Variants in CENATAC observed in about 807,000 individuals in gnomAD.
CENATAC encodes the protein centrosomal AT-AC splicing factor.
A neutral mutation model predicts 53.7 loss-of-function variants in CENATAC; 53 were observed. The ratio of observed to expected loss-of-function variants is 0.99; its 90% confidence interval spans 0.79 to 1.24. The LOEUF (loss-of-function observed/expected upper bound fraction) is 1.24, where lower values mean the gene tolerates loss of function less well. CENATAC is among the 50% of genes most tolerant of loss of function. The probability of loss-of-function intolerance (pLI) is 0.00; values close to 1 mark genes in which losing one functional copy is unlikely to be tolerated. For synonymous variants in CENATAC, 156 were observed against 144.6 expected (o/e 1.08, Z -0.57); for missense variants, 474 against 417.8 (o/e 1.13, Z -1.17).
intron 3 of CENATAC, chr11:119,003,099 C>T (rs1203155408): frequency 1.9e-6 from 1 of 529,002 alleles, no homozygotes; most frequent in Non-Finnish European, 3.7e-6. Context: ...CAGGCCGAAT[C>T]AGGGTGTTGA....
intron 3 of CENATAC, among the ~76,000 whole-genome samples, chr11:119,007,301 A>G (rs1942651687): frequency 6.6e-6 from 1 of 152,022 alleles, no homozygotes; most frequent in Admixed American, 6.6e-5. Flanking sequence ...CTCCTGCCTC[A>G]GCCTGCTAAG....
At chr11:118,999,255 A>G in intron 3 of CENATAC, 146 bp downstream of exon 3, 1 of 598,882 alleles carries the variant, frequency 1.7e-6, no homozygotes, top group Non-Finnish European at 3.0e-6. Context: ...TCTAGGTACT[A>G]TATTGGACAC....
At chr11:119,011,528 G>A (rs1215117513) in intron 5 of CENATAC, among the ~76,000 whole-genome samples, 2 of 152,024 alleles carry the variant, frequency 1.3e-5, no homozygotes, top group Admixed American at 6.6e-5. Flanking sequence ...TACAGGTGCC[G>A]CCACCACGCC....
chr11:118,998,861 G>A (rs1476796194), intron 2 of CENATAC, 150 bp from the exon 3 acceptor site: 4 of 702,676 alleles, frequency 5.7e-6, no homozygotes, highest in Non-Finnish European at 9.5e-6. Context: ...GAAGAGACAC[G>A]AGATCTTGAA....
intron 3 of CENATAC, among the ~76,000 whole-genome samples, chr11:119,002,859 C>T (rs1320802159): frequency 6.6e-6 from 1 of 151,988 alleles, no homozygotes. Flanking sequence ...GATCTCGGCT[C>T]ACTGCAACCT....
chr11:119,002,973 A>G, intron 3 of CENATAC: 1 of 459,182 alleles, frequency 2.2e-6, no homozygotes, highest in South Asian at 1.6e-5. Flanking sequence ...AATGGTGAAA[A>G]GATATACATA....
At chr11:119,001,376 G>A (rs1942286266) in intron 3 of CENATAC, among the ~76,000 whole-genome samples, 1 of 151,996 alleles carries the variant, frequency 6.6e-6, no homozygotes, top group South Asian at 2.1e-4. Context: ...GTTTCTGTGT[G>A]TAAGTTTTGA....
chr11:118,999,266 A>G (rs1448309728), intron 3 of CENATAC, 157 bp downstream of exon 3: 2 of 575,040 alleles, frequency 3.5e-6, no homozygotes, highest in Non-Finnish European at 6.2e-6. Flanking sequence ...TATTGGACAC[A>G]AAAATGTGAC....
At chr11:119,000,051 A>T (rs1942215323) in intron 3 of CENATAC, among the ~76,000 whole-genome samples, 1 of 152,244 alleles carries the variant, frequency 6.6e-6, no homozygotes, top group Non-Finnish European at 1.5e-5. Flanking sequence ...TGCTGGGGTT[A>T]TAGACGTGAG....
intron 10 of CENATAC, 32 bp from the exon 11 acceptor site, chr11:119,015,506 C>G (rs1359648082): frequency 1.2e-6 from 2 of 1,614,038 alleles, no homozygotes; most frequent in Non-Finnish European, 1.7e-6. Flanking sequence ...TGTCACCCTT[C>G]ATCATCGTGT....
At chr11:119,009,378 G>T (rs1942760895) in intron 3 of CENATAC, among the ~76,000 whole-genome samples, 1 of 152,142 alleles carries the variant, frequency 6.6e-6, no homozygotes, top group Non-Finnish European at 1.5e-5. Context: ...ACCCGTCTCG[G>T]CCTCCCAAAG....
At position 119,015,724 on chromosome 11, in the gene CENATAC, A is replaced by C; in HGVS notation, c.*126A>C. 1 of 1,295,666 alleles carries C rather than the reference A, an allele frequency of 7.7e-7. No homozygotes were observed. Among genetic ancestry groups the C allele is most frequent in the Non-Finnish European group, 1.1e-6 (1 of 912,084 alleles). The allele number at this position is 1,295,666 out of a possible 1,614,324, so 80.3% of individuals were successfully genotyped here. ...ACATACTCATTCATTTGATTTAATA[A>C]AGTTTTATTTTTCCAAATGTACAGC... On this transcript the variant is annotated 3_prime_UTR_variant, in exon 11 of 11. Coordinates refer to ENST00000334418, the MANE Select transcript of CENATAC (RefSeq NM_198489.3).
chr11:119,002,021 C>G (rs1592050694), intron 3 of CENATAC, among the ~76,000 whole-genome samples: 1 of 151,726 alleles, frequency 6.6e-6, no homozygotes, highest in Non-Finnish European at 1.5e-5. Context: ...GTCAGGAGTT[C>G]GAGACCAGCT....
chr11:119,008,192 TA>T (rs1942694703), intron 3 of CENATAC, among the ~76,000 whole-genome samples: 1 of 152,286 alleles, frequency 6.6e-6, no homozygotes, highest in East Asian at 1.9e-4. Context: ...AGAGACAAAG[TA>T]TAAAGAAACA....
Position 119,015,512 on chromosome 11 carries a change from C to T in CENATAC, c.939-26C>T, listed in dbSNP as rs782043528. 3.7e-5 allele frequency: 59 copies of T among 1,613,974 alleles called. No homozygotes were observed. The East Asian group carries it at 1.2e-3, about 33-fold the overall frequency. On this transcript the variant is annotated intron_variant, in intron 10 of 10. Transcript: ENST00000334418. Reference sequence around the variant, plus strand: ...TTTTGGAGATGTCACCCTTCATCATCGTGTTAACCCTTTATTTCCTTTCAG... The same window carrying T: ...TTTTGGAGATGTCACCCTTCATCATTGTGTTAACCCTTTATTTCCTTTCAG...
At chr11:118,999,743 C>T (rs545486497) in intron 3 of CENATAC, among the ~76,000 whole-genome samples, 36 of 152,244 alleles carry the variant, frequency 2.4e-4, no homozygotes, top group African/African-American at 3.1e-4. Context: ...CCTGGGTTCG[C>T]GCCATTCTCC....
chr11:119,011,380 C>CTT, intron 5 of CENATAC, 97 bp downstream of exon 5: 164 of 952,720 alleles, frequency 1.7e-4, no homozygotes, highest in South Asian at 2.3e-4. Context: ...TCTTCTTCTT[C>CTT]TTTTTTTTTT....
At position 118,998,279 on chromosome 11, in the gene CENATAC, C is replaced by A; in HGVS notation, c.82C>A (p.Arg28=). 1 of 1,601,054 alleles carries A rather than the reference C, an allele frequency of 6.2e-7. No individual in the cohort carries two copies. Among genetic ancestry groups the A allele is most frequent in the South Asian group, 1.1e-5 (1 of 89,126 alleles). Residue 28 remains arginine (R), a synonymous_variant, in exon 1 of 11, where the codon CGG becomes AGG. Coordinates refer to ENST00000334418, the MANE Select transcript of CENATAC (RefSeq NM_198489.3). The stretch of plus-strand genomic sequence containing the variant: ...GCACGTTTACAGCCGCAAGCACCAG[C>A]GGCAGCTGAAGGAGGCTTTGGAGAG... ...RGHVYSRKHQ[R]QLKEALERLL...
intron 3 of CENATAC, chr11:119,003,239 T>C (rs1407925567): frequency 5.6e-6 from 3 of 533,472 alleles, no homozygotes; most frequent in Non-Finnish European, 1.1e-5. Context: ...TGATGCATAG[T>C]GGTCAAGCTT....
Sources: allele counts gnomAD v4.1 joint callset (sites outside exome capture counted in the v4.1 genomes callset), GRCh38; gene constraint gnomAD v4.1.1; transcripts MANE v1.5; gene names NCBI Gene and HGNC (gene_info 2026-07-23, HGNC 2026-07-21).